SEMA4G: variants seen among roughly 807,000 people sequenced by gnomAD.
SEMA4G encodes the protein semaphorin-4G.
SEMA4G carries 59 observed loss-of-function variants against 81.2 expected under a neutral mutation model. That is an observed-to-expected ratio of 0.73 (90% CI 0.59 to 0.90). The LOEUF (loss-of-function observed/expected upper bound fraction) is 0.90, where lower values mean the gene tolerates loss of function less well. SEMA4G is among the 40% of genes least tolerant of loss of function. SEMA4G has a pLI of 0.00. For synonymous variants in SEMA4G, 404 were observed against 433.9 expected, an observed-to-expected ratio of 0.93 and a Z score of 0.86; for missense variants, 952 against 1,102.3, an observed-to-expected ratio of 0.86 and a Z score of 1.93.
exon 14 of SEMA4G, chr10:100,984,005 G>A: frequency 6.2e-7 from 1 of 1,612,686 alleles, no homozygotes; most frequent in Non-Finnish European, 8.5e-7. Flanking sequence ...ATAGCTATGT[G>A]CTTCTGAGGC....
At chr10:100,984,017 G>C in exon 14 of SEMA4G, 1 of 1,613,482 alleles carries the variant, frequency 6.2e-7, no homozygotes. Flanking sequence ...TTCTGAGGCA[G>C]AGCAACAATG....
chr10:100,972,990 G>A (rs571547734), exon 1 of SEMA4G: 35 of 1,614,054 alleles, frequency 2.2e-5, no homozygotes, highest in East Asian at 4.5e-5. Flanking sequence ...TGCGGAGACC[G>A]TCTAGAGAAC....
rs149389232 is a variant in SEMA4G at position 100,983,445 on chromosome 10, C to T, written c.1831C>T (p.Arg611Cys). 146 of 1,613,896 alleles carry T rather than the reference C, an allele frequency of 9.0e-5. 1 individual carries two copies. Among genetic ancestry groups the T allele is most frequent in the Non-Finnish European group, 1.2e-4 (136 of 1,179,984 alleles). The change falls in exon 14 of 14, where the codon CGT (arginine) becomes TGT (cysteine). Residue 611 changes from arginine to cysteine, a missense_variant. Arg to Cys is a radical substitution (Grantham distance 180). Transcript: ENST00000370250. ...CCTGAGCGATGGGCAGGGTGGCTACCGTGTGGGCGTGGACGGGCTGCTGGT... is the reference window on the plus strand; with the variant it reads ...CCTGAGCGATGGGCAGGGTGGCTACTGTGTGGGCGTGGACGGGCTGCTGGT...
chr10:100,983,666 T>G (rs1589999484), exon 14 of SEMA4G: 1 of 1,613,520 alleles, frequency 6.2e-7, no homozygotes, highest in Non-Finnish European at 8.5e-7. Context: ...TTGCCGCGCT[T>G]GGTGGCCTCT....
At chr10:100,970,769 G>A (rs1005900694), upstream of SEMA4G, among the ~76,000 whole-genome samples, 1 of 152,200 alleles carries the variant, frequency 6.6e-6, no homozygotes. Context: ...AACTGCGTGT[G>A]AGCACACATG....
rs750452775 is a variant in SEMA4G at position 100,978,531 on chromosome 10, AG to A, written c.536del (p.Gly179AlafsTer25). 1.5e-5 allele frequency: 25 copies of A among 1,613,878 alleles called. No individual in the cohort carries two copies. The highest frequency in any genetic ancestry group is 1.9e-5 in the Non-Finnish European group (23 of 1,179,812). On this transcript the variant is annotated frameshift_variant, in exon 6 of 14. Transcript: ENST00000370250. LOFTEE classifies it high-confidence loss of function. ...CCTGGAATATCCCCACGCCAGATGG[AG>A]GCCTCTACACAGCCACTAGGTATGA...
intron 10 of SEMA4G, 65 bp from the exon 12 acceptor site, chr10:100,980,513 C>A: frequency 6.8e-7 from 1 of 1,468,170 alleles, no homozygotes; most frequent in Non-Finnish European, 9.5e-7. Flanking sequence ...CGTATTAGGC[C>A]TCTTGCAGGG....
exon 14 of SEMA4G, chr10:100,984,699 G>A (rs1350650732): frequency 1.3e-6 from 2 of 1,536,158 alleles, no homozygotes; most frequent in East Asian, 2.4e-5. Context: ...CCCTGCTTCT[G>A]GACTTGGGGT....
At chr10:100,972,377 G>A (rs1266166124), upstream of SEMA4G, among the ~76,000 whole-genome samples, 3 of 152,058 alleles carry the variant, frequency 2.0e-5, no homozygotes, top group African/African-American at 7.2e-5. Flanking sequence ...AGAGCAAAGC[G>A]ATAGACAGAA....
rs377674341 is a variant in SEMA4G at position 100,981,477 on chromosome 10, T to C, written c.1690+248T>C. ...ACTTCTGGAGCTTATAGCCAAGTAG[T>C]GGATGACAAGGGTTCAGGACGGTAA... On this transcript the variant is annotated intron_variant, in intron 13 of 13. Transcript: ENST00000370250. 1.5e-5 allele frequency: 24 copies of C among 1,614,174 alleles called. No individual in the cohort carries two copies. The Admixed American group carries it at 1.5e-4, about 10-fold the overall frequency.
At chr10:100,972,841 C>T (rs1477407403) in exon 1 of SEMA4G, 2 of 1,525,532 alleles carry the variant, frequency 1.3e-6, no homozygotes, top group African/African-American at 1.4e-5. Context: ...CTGTGCTTCC[C>T]ATTCCCCGCC....
chr10:100,981,214 A>G (rs1231622802), exon 13 of SEMA4G: 1 of 1,614,228 alleles, frequency 6.2e-7, no homozygotes, highest in Admixed American at 1.7e-5. Flanking sequence ...AGGCTGTGAG[A>G]GCAGCAGGGA....
At chr10:100,978,805 TC>T in intron 6 of SEMA4G, 43 bp from the exon 8 acceptor site, 1 of 1,601,696 alleles carries the variant, frequency 6.2e-7, no homozygotes, top group Non-Finnish European at 8.5e-7. Flanking sequence ...GGGAAAGGAA[TC>T]CCCAGCCTGT....
At chr10:100,982,748 C>G (rs570438253) in intron 13 of SEMA4G, among the ~76,000 whole-genome samples, 55 of 152,294 alleles carry the variant, frequency 3.6e-4, no homozygotes, top group African/African-American at 1.3e-3. Context: ...GCTGAGATCA[C>G]GTCACTGCAC....
At chr10:100,984,114 G>T in exon 14 of SEMA4G, 1 of 1,611,456 alleles carries the variant, frequency 6.2e-7, no homozygotes, top group South Asian at 1.1e-5. Context: ...GGAGCAGCTA[G>T]ATGAGAGCTC....
chr10:100,972,886 C>G (rs770865272), exon 1 of SEMA4G: 2 of 1,587,312 alleles, frequency 1.3e-6, no homozygotes, highest in Non-Finnish European at 1.7e-6. Flanking sequence ...CTTTGGGGGT[C>G]TTGTTAGTCT....
rs1437244826 is a variant in SEMA4G at position 100,979,092 on chromosome 10, A to G, written c.814-10A>G. On this transcript the variant is annotated splice_polypyrimidine_tract_variant and intron_variant, in intron 7 of 13. Coordinates refer to ENST00000370250, the Ensembl canonical transcript of SEMA4G. ...CCCTGGCCCCTTATCCCGTGCCTCT[A>G]CCTCCCCAGGGAGACCTGGGAGGGA... is the stretch of plus-strand genomic sequence containing the variant. 12 of 1,613,236 alleles carry G rather than the reference A, an allele frequency of 7.4e-6. No individual in the cohort carries two copies. Among genetic ancestry groups the G allele is most frequent in the African/African-American group, 2.7e-5 (2 of 74,758 alleles).
chr10:100,980,762 G>A, intron 11 of SEMA4G, 60 bp from the exon 13 acceptor site: 4 of 1,606,146 alleles, frequency 2.5e-6, no homozygotes, highest in Non-Finnish European at 2.6e-6. Context: ...AGGTTGGGCA[G>A]AGGCTGTGTA....
chr10:100,983,456 G>A (rs1851228915), exon 14 of SEMA4G: 1 of 1,614,138 alleles, frequency 6.2e-7, no homozygotes, highest in Middle Eastern at 1.6e-4. Flanking sequence ...GTGTGGGCGT[G>A]GACGGGCTGC....
Sources: allele counts gnomAD v4.1 joint callset (sites outside exome capture counted in the v4.1 genomes callset), GRCh38; gene constraint gnomAD v4.1.1; transcripts MANE v1.5; gene names NCBI Gene and HGNC (gene_info 2026-07-23, HGNC 2026-07-21).